CFAP299: variants seen among roughly 807,000 people sequenced by gnomAD.
The protein encoded by CFAP299 is cilia and flagella associated protein 299, also known as cilia- and flagella-associated protein 299.
In CFAP299, 21 loss-of-function variants were observed where a neutral mutation model predicts 27.0. The ratio of observed to expected loss-of-function variants is 0.78; its 90% CI spans 0.55 to 1.12. The LOEUF is 1.12. Ranked by LOEUF, CFAP299 falls within the 50% of genes most tolerant of loss-of-function variation. The pLI, the probability that CFAP299 is intolerant of heterozygous loss-of-function variation, is 0.00. For synonymous variants in CFAP299, 104 were observed against 98.1 expected (o/e 1.06, Z -0.36); for missense variants, 310 against 276.6 (o/e 1.12, Z -0.86).
At chr4:80,800,376 ATAATATATAATATATTAATATAAT>A (rs1728393746) in intron 3 of CFAP299, among the ~76,000 whole-genome samples, 4 of 65,432 alleles carry the variant, frequency 6.1e-5, no homozygotes, top group Middle Eastern at 0.02. Flanking sequence ...TATAATATAT[ATAATATATAATATATTAATATAAT>A]ATATATTGAT....
At chr4:80,720,229 G>A (rs79279711) in intron 3 of CFAP299, among the ~76,000 whole-genome samples, 1,860 of 152,206 alleles carry the variant, frequency 0.012, 36 homozygotes, top group African/African-American at 0.041. Flanking sequence ...TCAGTGATAC[G>A]TAAGAATAAC....
At chr4:80,811,494 T>C (rs1037636213) in intron 3 of CFAP299, among the ~76,000 whole-genome samples, 2 of 152,296 alleles carry the variant, frequency 1.3e-5, no homozygotes, top group African/African-American at 4.8e-5. Context: ...TAATAATTAG[T>C]GCTTTAACAA....
chr4:80,765,854 A>C (rs1560740363), intron 3 of CFAP299, among the ~76,000 whole-genome samples: 2 of 152,158 alleles, frequency 1.3e-5, no homozygotes, highest in Non-Finnish European at 2.9e-5. Flanking sequence ...GAGACCATAG[A>C]ATTCAATAAA....
At chr4:80,386,644 C>T (rs568319297) in intron 2 of CFAP299, 13 of 1,594,280 alleles carry the variant, frequency 8.2e-6, no homozygotes, top group Admixed American at 3.4e-5. Context: ...TGTAGTAGCC[C>T]GTGTGGGCGC....
intron 3 of CFAP299, among the ~76,000 whole-genome samples, chr4:80,692,561 C>T (rs1342142811): frequency 6.6e-6 from 1 of 152,172 alleles, no homozygotes; most frequent in Admixed American, 6.5e-5. Context: ...GGATTAAAGA[C>T]TTAAACGTTA....
At position 80,796,247 on chromosome 4, in the gene CFAP299, C is replaced by T. The variant is rs112161564; in HGVS notation, c.334-73746C>T. ...AGAAGGAATATCTCAACAGGCCCCACACCACTGGACCTCTAGAAATTTTAC... is the reference window on the plus strand; with the variant it reads ...AGAAGGAATATCTCAACAGGCCCCATACCACTGGACCTCTAGAAATTTTAC... On this transcript the variant is annotated intron_variant, in intron 3 of 5. Transcript: ENST00000358105. Among the ~76,000 whole-genome samples, 6 of 152,312 alleles carry T rather than the reference C, an allele frequency of 3.9e-5. 1 individual carries two copies. The highest frequency in any genetic ancestry group is 1.4e-4 in the African/African-American group (6 of 41,572).
chr4:80,668,489 G>T (rs1040244591), intron 3 of CFAP299, among the ~76,000 whole-genome samples: 5 of 152,036 alleles, frequency 3.3e-5, no homozygotes, highest in Non-Finnish European at 7.4e-5. Flanking sequence ...TTGTGTGAAA[G>T]GTGAAGATCT....
intron 3 of CFAP299, among the ~76,000 whole-genome samples, chr4:80,764,885 C>T (rs147854234): frequency 9.9e-5 from 15 of 151,958 alleles, no homozygotes; most frequent in African/African-American, 2.9e-4. Context: ...GGGAGTTGAA[C>T]GACGAGAACA....
In CFAP299 at chr4:80,362,281, G is replaced by T. The variant is rs535994260; in HGVS notation, c.112-473G>T. 3.4e-4 allele frequency among the ~76,000 whole-genome samples: 51 copies of T among 151,088 alleles called. No individual in the cohort carries two copies. In the East Asian group the frequency reaches 9.9e-3, roughly 29 times the overall value. On this transcript the variant is annotated intron_variant, in intron 1 of 5. Coordinates refer to ENST00000358105, the MANE Select transcript of CFAP299 (RefSeq NM_152770.3). ...GAAGTTATAATATTCTGTGCCATCG[G>T]TTAATTGACTTCAAGGAAGTAAGGC...
intron 3 of CFAP299, among the ~76,000 whole-genome samples, chr4:80,813,477 C>T (rs12642810): frequency 6.6e-6 from 1 of 151,804 alleles, no homozygotes; most frequent in Non-Finnish European, 1.5e-5. Context: ...CAAAGTAATT[C>T]TTCATATGTA....
chr4:80,876,450 C>T (rs1733381654), intron 4 of CFAP299, among the ~76,000 whole-genome samples: 1 of 152,066 alleles, frequency 6.6e-6, no homozygotes, highest in Admixed American at 6.6e-5. Flanking sequence ...GGAAGAGGTG[C>T]CTTCTGCCAT....
intron 2 of CFAP299, among the ~76,000 whole-genome samples, chr4:80,560,799 A>G (rs928172555): frequency 3.3e-5 from 5 of 152,126 alleles, no homozygotes; most frequent in East Asian, 1.9e-4. Flanking sequence ...CTGCAATACA[A>G]TAGAACACCA....
chr4:80,867,227 A>G (rs1578198990), intron 3 of CFAP299, among the ~76,000 whole-genome samples: 1 of 152,132 alleles, frequency 6.6e-6, no homozygotes, highest in East Asian at 1.9e-4. Flanking sequence ...CTCCATCCCT[A>G]GTAATGGTTT....
chr4:80,731,237 AC>A, intron 3 of CFAP299, among the ~76,000 whole-genome samples: 1 of 152,322 alleles, frequency 6.6e-6, no homozygotes, highest in African/African-American at 2.4e-5. Context: ...ATATCAACTC[AC>A]ATACTGAAGC....
intron 3 of CFAP299, among the ~76,000 whole-genome samples, chr4:80,861,356 C>T (rs956838170): frequency 7.9e-5 from 12 of 152,172 alleles, no homozygotes; most frequent in African/African-American, 2.2e-4. Context: ...TGACCCCTTG[C>T]GCTTCCCAAG....
chr4:80,388,001 T>C (rs1725112041), intron 2 of CFAP299: 2 of 718,458 alleles, frequency 2.8e-6, no homozygotes, highest in Admixed American at 4.6e-5. Flanking sequence ...CACACACTGG[T>C]TTGGCACCTC....
intron 3 of CFAP299, among the ~76,000 whole-genome samples, chr4:80,705,234 G>A (rs1365944170): frequency 6.6e-6 from 1 of 151,770 alleles, no homozygotes; most frequent in Non-Finnish European, 1.5e-5. Flanking sequence ...ATGCCCCTGA[G>A]CAATTCCAGA....
chr4:80,901,751 T>C (rs188011676), intron 4 of CFAP299, among the ~76,000 whole-genome samples: 81 of 152,248 alleles, frequency 5.3e-4, no homozygotes, highest in African/African-American at 1.9e-3. Flanking sequence ...ACTTCATTTC[T>C]TTCATATATG....
In CFAP299 at chr4:80,814,831, A is replaced by G. The variant is rs373467229; in HGVS notation, c.334-55162A>G. On this transcript the variant is annotated intron_variant, in intron 3 of 5. Coordinates refer to ENST00000358105, the MANE Select transcript of CFAP299 (RefSeq NM_152770.3). ...TTATCTCCATAAGGACAAACAAAGG[A>G]AAAAAAGAATTAAGAAACAAAATTT... 3.8e-3 allele frequency among the ~76,000 whole-genome samples: 580 copies of G among 152,122 alleles called. 1 individual carries two copies. The highest frequency in any genetic ancestry group is 0.01 in the Middle Eastern group (3 of 294).
Sources: gnomAD v4.1 joint callset for allele counts (sites outside exome capture counted in the v4.1 genomes callset) on GRCh38, gnomAD v4.1.1 for gene constraint, MANE v1.5 for transcripts, NCBI Gene and HGNC (gene_info 2026-07-23, HGNC 2026-07-21) for gene names.